ROBO2: variants seen among roughly 807,000 people sequenced by gnomAD.
ROBO2 encodes roundabout homolog 2.
ROBO2 carries 53 observed loss-of-function variants against 160.8 expected under a neutral mutation model. The observed-to-expected ratio is 0.33, with a 90% CI of 0.26 to 0.41. The LOEUF (loss-of-function observed/expected upper bound fraction) is 0.41, where lower values mean the gene tolerates loss of function less well. Among genes scored for constraint, ROBO2 ranks in the 10% least tolerant of loss-of-function variants. The probability of loss-of-function intolerance (pLI) is 1.00; values close to 1 mark genes in which losing one functional copy is unlikely to be tolerated. For synonymous variants in ROBO2, 664 were observed against 611.7 expected (o/e 1.09, Z -1.26); for missense variants, 1,577 against 1,722.4 (o/e 0.92, Z 1.49).
At chr3:76,949,472 T>C (rs1168159054) in intron 2 of ROBO2, among the ~76,000 whole-genome samples, 1 of 152,148 alleles carries the variant, frequency 6.6e-6, no homozygotes, top group Non-Finnish European at 1.5e-5. Context: ...AAATCTCAAA[T>C]AGCCTTTTTT....
intron 2 of ROBO2, among the ~76,000 whole-genome samples, chr3:77,212,777 A>G (rs2084358167): frequency 6.6e-6 from 1 of 152,174 alleles, no homozygotes; most frequent in African/African-American, 2.4e-5. Flanking sequence ...GAGAGTTTTT[A>G]GCATGAAGTG....
At chr3:77,098,636 A>G (rs2071430733) in intron 2 of ROBO2, among the ~76,000 whole-genome samples, 1 of 152,062 alleles carries the variant, frequency 6.6e-6, no homozygotes, top group African/African-American at 2.4e-5. Context: ...TCACGAGGTC[A>G]GGAGATCGAG....
intron 2 of ROBO2, among the ~76,000 whole-genome samples, chr3:77,445,784 G>GTTTTTTTT (rs66551785): frequency 9.3e-6 from 1 of 107,744 alleles, no homozygotes; most frequent in African/African-American, 3.1e-5. Flanking sequence ...CAATTAAAAG[G>GTTTTTTTT]TTTTTTTTTG....
intron 2 of ROBO2, among the ~76,000 whole-genome samples, chr3:77,294,127 C>A (rs372061639): frequency 0.15 from 10,946 of 71,420 alleles, 1 homozygote; most frequent in Middle Eastern, 0.32. Flanking sequence ...CTAGATCACC[C>A]CAGACATAAA....
In ROBO2 at chr3:76,259,940, G is replaced by A. The variant is rs190033954; in HGVS notation, c.109+322338G>A. On this transcript the variant is annotated intron_variant, in intron 2 of 26. Coordinates refer to the ROBO2 transcript ENST00000487694. ...GTCAGGCTAACTTACAAACTCATAA[G>A]CAGGGTAAAACCTAGACTTTTCATA... 2.0e-5 allele frequency among the ~76,000 whole-genome samples: 3 copies of A among 152,250 alleles called. No homozygotes were observed. The East Asian group carries it at 5.8e-4, about 29-fold the overall frequency.
chr3:77,219,472 A>G (rs1160480800), intron 2 of ROBO2, among the ~76,000 whole-genome samples: 19 of 125,654 alleles, frequency 1.5e-4, no homozygotes, highest in Admixed American at 2.4e-4. Context: ...ATCTGTGTAT[A>G]TATATATATA....
chr3:76,256,562 T>C (rs137941558), intron 2 of ROBO2, among the ~76,000 whole-genome samples: 2,164 of 150,686 alleles, frequency 0.014, 46 homozygotes, highest in African/African-American at 0.05. Flanking sequence ...AAAGCAAAAA[T>C]TAGTCAGGCT....
intron 2 of ROBO2, among the ~76,000 whole-genome samples, chr3:77,473,501 C>T (rs540897294): frequency 7.7e-6 from 1 of 129,074 alleles, no homozygotes; most frequent in East Asian, 2.4e-4. Context: ...GCTCTGTCGC[C>T]CAGGCTGGAG....
intron 2 of ROBO2, among the ~76,000 whole-genome samples, chr3:76,849,392 C>T (rs1425455072): frequency 2.0e-5 from 3 of 152,104 alleles, no homozygotes; most frequent in Non-Finnish European, 2.9e-5. Context: ...AACTCTGATT[C>T]CCTTTCATGA....
intron 2 of ROBO2, among the ~76,000 whole-genome samples, chr3:77,311,181 T>G (rs993656853): frequency 1.3e-5 from 2 of 152,214 alleles, no homozygotes; most frequent in African/African-American, 4.8e-5. Flanking sequence ...ATTAGTTGAC[T>G]GGGTTATAAT....
At chr3:77,544,422 G>A (rs1229107662) in intron 6 of ROBO2, among the ~76,000 whole-genome samples, 1 of 152,096 alleles carries the variant, frequency 6.6e-6, no homozygotes, top group Non-Finnish European at 1.5e-5. Context: ...TTAATCTATA[G>A]TTATAGAAGA....
At chr3:77,461,995 G>A (rs1292094736) in intron 2 of ROBO2, among the ~76,000 whole-genome samples, 6 of 151,998 alleles carry the variant, frequency 3.9e-5, no homozygotes, top group Non-Finnish European at 8.8e-5. Context: ...CAAAGTGCTG[G>A]GATTACAGGC....
chr3:77,188,904 C>G (rs1403319506), intron 2 of ROBO2, among the ~76,000 whole-genome samples: 3 of 150,384 alleles, frequency 2.0e-5, no homozygotes, highest in Non-Finnish European at 1.5e-5. Context: ...ATTTCTAGTT[C>G]AAGATCAAAT....
chr3:77,045,946 AG>A (rs2064618152), intron 1 of ROBO2, among the ~76,000 whole-genome samples: 1 of 152,238 alleles, frequency 6.6e-6, no homozygotes, highest in African/African-American at 2.4e-5. Context: ...CATATGCATC[AG>A]TACATCATTC....
chr3:77,122,067 G>C (rs2074831276), intron 2 of ROBO2, among the ~76,000 whole-genome samples: 1 of 152,066 alleles, frequency 6.6e-6, no homozygotes, highest in Non-Finnish European at 1.5e-5. Flanking sequence ...ACAATATCTA[G>C]AGTGTTTAAT....
intron 2 of ROBO2, among the ~76,000 whole-genome samples, chr3:77,426,082 G>T (rs1438005074): frequency 1.3e-5 from 2 of 152,092 alleles, no homozygotes; most frequent in African/African-American, 4.8e-5. Flanking sequence ...TGGATTGGGA[G>T]GGAGCAAGAA....
chr3:76,019,643 A>G (rs1349596295), intron 2 of ROBO2, among the ~76,000 whole-genome samples: 2 of 150,704 alleles, frequency 1.3e-5, no homozygotes, highest in Non-Finnish European at 3.0e-5. Context: ...CTGAAGCTCC[A>G]TGCGTATCTG....
At chr3:76,481,026 G>A (rs140748411) in intron 2 of ROBO2, among the ~76,000 whole-genome samples, 1 of 152,290 alleles carries the variant, frequency 6.6e-6, no homozygotes, top group African/African-American at 2.4e-5. Flanking sequence ...ATTTTGTTCA[G>A]TGCTGTGTGC....
At chr3:76,154,045 A>G (rs2072311651) in intron 2 of ROBO2, among the ~76,000 whole-genome samples, 1 of 152,312 alleles carries the variant, frequency 6.6e-6, no homozygotes. Context: ...AACTGGACAC[A>G]TAAATGCAAT....
Sources: gnomAD v4.1 joint callset for allele counts (sites outside exome capture counted in the v4.1 genomes callset) on GRCh38, gnomAD v4.1.1 for gene constraint, MANE v1.5 for transcripts, NCBI Gene and HGNC (gene_info 2026-07-23, HGNC 2026-07-21) for gene names.